PKHD1: variants seen among roughly 807,000 people sequenced by gnomAD.
PKHD1 encodes the protein fibrocystin.
Under a neutral mutation model 412.0 loss-of-function variants are expected in PKHD1, and 291 were observed. That is an observed-to-expected ratio of 0.71 (90% CI 0.64 to 0.78). PKHD1 has a LOEUF of 0.78. PKHD1 is among the 30% of genes least tolerant of loss of function. PKHD1 has a pLI of 0.00. For missense variants in PKHD1, 4,825 were observed against 4,950.7 expected, an observed-to-expected ratio of 0.97 and a Z score of 0.76; for synonymous variants, 1,777 against 1,821.5, an observed-to-expected ratio of 0.98 and a Z score of 0.62.
intron 60 of PKHD1, among the ~76,000 whole-genome samples, chr6:51,680,430 T>A (rs1442171812): frequency 6.6e-6 from 1 of 152,100 alleles, no homozygotes; most frequent in Non-Finnish European, 1.5e-5. Context: ...AAGTAACTAT[T>A]GCCCCTAGAA....
At chr6:52,009,564 G>A (rs1367316523) in intron 35 of PKHD1, among the ~76,000 whole-genome samples, 4 of 152,118 alleles carry the variant, frequency 2.6e-5, no homozygotes. Context: ...AAGGGAGTAG[G>A]TGCTCAATAA....
chr6:52,013,856 T>G (rs1013258304), intron 34 of PKHD1, among the ~76,000 whole-genome samples: 4 of 152,162 alleles, frequency 2.6e-5, no homozygotes, highest in Non-Finnish European at 5.9e-5. Context: ...GAAAACAATT[T>G]GCAGGCATTT....
intron 43 of PKHD1, among the ~76,000 whole-genome samples, chr6:51,891,521 C>T (rs544103175): frequency 5.3e-5 from 8 of 152,056 alleles, no homozygotes; most frequent in Admixed American, 2.6e-4. Context: ...TCAGGTGATC[C>T]GCCCACCTTG....
In PKHD1 at chr6:51,659,136, T is replaced by C. The variant is rs1039739445; in HGVS notation, c.10990A>G (p.Ile3664Val). Reference sequence around the variant, plus strand: ...ACTGTTGGCGAATCACCAATTTCAATGACAATCACTTTTGAGATAGTTTCC... The same window carrying C: ...ACTGTTGGCGAATCACCAATTTCAACGACAATCACTTTTGAGATAGTTTCC... Reference protein sequence around the residue: ...TVETISKVIVIEIGDSPTVRS... With the variant: ...TVETISKVIVVEIGDSPTVRS... The change falls in exon 61 of 67, where the codon ATT becomes GTT. Residue 3664 changes from isoleucine (I) to valine (V), a missense_variant. Physicochemically the swap from Ile to Val is conservative, Grantham distance 29. Transcript: ENST00000371117. The C allele has an allele frequency of 2.1e-5, 34 of 1,613,864 alleles. No homozygotes were observed. Among genetic ancestry groups the C allele is most frequent in the Non-Finnish European group, 2.8e-5 (33 of 1,179,856 alleles).
At position 52,025,869 on chromosome 6, in the gene PKHD1, CT is replaced by C. The variant is rs1057517273; in HGVS notation, c.3940del (p.Ser1314AlafsTer2). ...TAMQGEITNS[S>X]LSLHVGGSNL... Reference sequence around the variant, plus strand: ...ACTTCCTCCCACATGCAGGCTCAGGCTGCTATTTGTGATTTCTCCTTGCATG... The same window carrying C: ...ACTTCCTCCCACATGCAGGCTCAGGCGCTATTTGTGATTTCTCCTTGCATG... On this transcript the variant is annotated frameshift_variant, in exon 32 of 67. Coordinates refer to ENST00000371117, the MANE Select transcript of PKHD1 (RefSeq NM_138694.4). LOFTEE classifies it high-confidence loss of function. The C allele has an allele frequency of 1.9e-6, 3 of 1,614,152 alleles. No individual in the cohort carries two copies. The highest frequency in any genetic ancestry group is 2.5e-6 in the Non-Finnish European group (3 of 1,180,034).
At chr6:51,996,629 A>T (rs1329767584) in intron 35 of PKHD1, among the ~76,000 whole-genome samples, 2 of 152,248 alleles carry the variant, frequency 1.3e-5, no homozygotes, top group Admixed American at 1.3e-4. Flanking sequence ...AAAAGCAGAC[A>T]TTCCTACTGA....
chr6:52,070,944 T>C, intron 9 of PKHD1, 62 bp downstream of exon 9: 1 of 1,005,028 alleles, frequency 9.9e-7, no homozygotes. Flanking sequence ...GCAATTGCTT[T>C]TGTCCGGATA....
intron 52 of PKHD1, among the ~76,000 whole-genome samples, chr6:51,810,672 A>G (rs1227168112): frequency 1.3e-5 from 2 of 152,108 alleles, no homozygotes; most frequent in African/African-American, 4.8e-5. Context: ...CATGGCCCTG[A>G]TGTGCCCTGG....
Position 51,885,972 on chromosome 6 carries a change from C to T in PKHD1, c.7110G>A (p.Arg2370=), listed in dbSNP as rs1562532532. The T allele has an allele frequency of 1.3e-6, 2 of 1,549,102 alleles. No individual in the cohort carries two copies. Among genetic ancestry groups the T allele is most frequent in the South Asian group, 1.1e-5 (1 of 89,736 alleles). ...FTQNIAHSCT[R]YGLFVYPKFQ... ...ATTTAGGGTATACAAAGAGACCATA[C>T]CTAAAAAGTGAAACAGAATGAAATT... is the stretch of plus-strand genomic sequence containing the variant. Residue 2370 remains arginine (R), a splice_region_variant and synonymous_variant, in exon 45 of 67, where the codon AGG becomes AGA. Transcript: ENST00000371117.
intron 60 of PKHD1, among the ~76,000 whole-genome samples, chr6:51,666,892 C>A (rs1773902250): frequency 1.3e-5 from 2 of 151,984 alleles, no homozygotes; most frequent in South Asian, 4.2e-4. Context: ...TTTTATGGCT[C>A]CATAGTATTC....
At chr6:51,721,120 GCA>G (rs1781874873) in intron 60 of PKHD1, 1 of 979,852 alleles carries the variant, frequency 1.0e-6, no homozygotes. Flanking sequence ...CACAAGAATG[GCA>G]CACTGTTCCA....
intron 2 of PKHD1, among the ~76,000 whole-genome samples, 171 bp from the exon 3 acceptor site, chr6:52,083,426 G>A (rs1047041752): frequency 6.6e-5 from 10 of 152,190 alleles, no homozygotes; most frequent in Non-Finnish European, 1.5e-5. Flanking sequence ...TCTGGGGCAG[G>A]CCCAAGAATC....
At chr6:51,965,963 A>G (rs563061153) in intron 35 of PKHD1, among the ~76,000 whole-genome samples, 38 of 152,276 alleles carry the variant, frequency 2.5e-4, no homozygotes, top group Admixed American at 7.9e-4. Context: ...TTTTAAGTCC[A>G]AAGACCTTTT....
chr6:51,744,750 T>C (rs1784984067), intron 59 of PKHD1, among the ~76,000 whole-genome samples: 1 of 152,188 alleles, frequency 6.6e-6, no homozygotes, highest in South Asian at 2.1e-4. Flanking sequence ...ACTAACCAAA[T>C]ATTTTGGATA....
At chr6:51,873,026 C>T (rs1464052115) in intron 46 of PKHD1, among the ~76,000 whole-genome samples, 1 of 151,988 alleles carries the variant, frequency 6.6e-6, no homozygotes, top group Non-Finnish European at 1.5e-5. Context: ...GGATAATGTT[C>T]AAGGGAGATT....
At chr6:51,648,267 C>T (rs1232689829) in intron 62 of PKHD1, 149 bp from the exon 63 acceptor site, 2 of 611,350 alleles carry the variant, frequency 3.3e-6, no homozygotes, top group Non-Finnish European at 2.9e-6. Context: ...AAATGTCTTT[C>T]TCATGTTAAG....
At chr6:51,684,287 C>A (rs567478364) in intron 60 of PKHD1, among the ~76,000 whole-genome samples, 1 of 152,212 alleles carries the variant, frequency 6.6e-6, no homozygotes, top group East Asian at 1.9e-4. Context: ...AGTCACCCAA[C>A]CTTCTTCAGG....
chr6:51,873,299 C>T (rs1282595612), intron 46 of PKHD1, among the ~76,000 whole-genome samples: 2 of 152,130 alleles, frequency 1.3e-5, no homozygotes, highest in Non-Finnish European at 2.9e-5. Flanking sequence ...TCCATTTAGA[C>T]CAACTTAAAA....
chr6:52,059,889 T>C (rs758059639), intron 15 of PKHD1, 39 bp downstream of exon 15: 1 of 970,272 alleles, frequency 1.0e-6, no homozygotes, highest in Non-Finnish European at 1.7e-6. Flanking sequence ...GGTATGGGAC[T>C]GGCAACAGAG....
Sources: allele counts gnomAD v4.1 joint callset (sites outside exome capture counted in the v4.1 genomes callset), GRCh38; gene constraint gnomAD v4.1.1; transcripts MANE v1.5; gene names NCBI Gene and HGNC (gene_info 2026-07-23, HGNC 2026-07-21).